The following UBQLN4 variants were observed in gnomAD, a reference collection of about 807,000 sequenced individuals.
UBQLN4 encodes ubiquilin-4.
In UBQLN4, 11 loss-of-function variants were observed where a neutral mutation model predicts 60.4. The ratio of observed to expected loss-of-function variants is 0.18; its 90% CI spans 0.11 to 0.30. The LOEUF (loss-of-function observed/expected upper bound fraction) is 0.30, where lower values mean the gene tolerates loss of function less well. UBQLN4 is among the 10% of genes least tolerant of loss of function. The pLI is 1.00. For synonymous variants in UBQLN4, 258 were observed against 313.1 expected (o/e 0.82, Z 1.86); for missense variants, 417 against 795.5 (o/e 0.52, Z 5.72).
rs1683406747 is a variant in UBQLN4, at chr1:156,036,423, C to T, written c.*555G>A. 1.0e-6 allele frequency: 1 copy of T among 985,768 alleles called. No homozygotes were observed. 61.1% of individuals were successfully genotyped at this position (985,768 alleles called of 1,614,324 possible). On this transcript the variant is annotated 3_prime_UTR_variant, in exon 11 of 11. Coordinates refer to ENST00000368309, the MANE Select transcript of UBQLN4 (RefSeq NM_020131.5). ...CCTTACCCTGGAATTTCCAACAGTT[C>T]CCACCAAAAAGTGCTGAATGAACCA...
chr1:156,052,784 T>C (rs548834823), intron 1 of UBQLN4, among the ~76,000 whole-genome samples: 1 of 152,324 alleles, frequency 6.6e-6, no homozygotes, highest in East Asian at 1.9e-4. Flanking sequence ...GTAGGGAACA[T>C]ACAGTATTTA....
Position 156,037,039 on chromosome 1 carries a change from A to G in UBQLN4, c.1745T>C (p.Ile582Thr). The change falls in exon 11 of 11, where the codon ATT (isoleucine) becomes ACT (threonine). Residue 582 changes from isoleucine to threonine, a missense_variant. Transcript: ENST00000368309. ...INREANLQALIATGGDINAAI... is the reference protein window; with the variant it reads ...INREANLQALTATGGDINAAI... ...TGCGTTGATGTCCCCTCCTGTGGCAATCAGGGCCTGCAGGTTAGCCTCACG... is the reference window on the plus strand; with the variant it reads ...TGCGTTGATGTCCCCTCCTGTGGCAGTCAGGGCCTGCAGGTTAGCCTCACG... 1 of 1,614,212 alleles carries G rather than the reference A, an allele frequency of 6.2e-7. No individual in the cohort carries two copies. The highest frequency in any genetic ancestry group is 8.5e-7 in the Non-Finnish European group (1 of 1,180,046).
intron 10 of UBQLN4, among the ~76,000 whole-genome samples, chr1:156,039,062 G>T (rs1019761220): frequency 6.6e-6 from 1 of 152,028 alleles, no homozygotes; most frequent in African/African-American, 2.4e-5. Flanking sequence ...AAAATGTTGG[G>T]ATTACAGGCA....
chr1:156,039,101 A>G (rs1683479393), intron 10 of UBQLN4, among the ~76,000 whole-genome samples: 1 of 150,890 alleles, frequency 6.6e-6, no homozygotes. Context: ...TTGCACTAAG[A>G]CTTTTTTTAA....
At position 156,036,252 on chromosome 1, in the gene UBQLN4, G is replaced by C. The variant is rs150903542; in HGVS notation, c.*726C>G. ...TCCAACTTCCAAGCCTTTTACTCAG[G>C]CTGTCTCCCCCATTCCCTTCCTCCG... On this transcript the variant is annotated 3_prime_UTR_variant, in exon 11 of 11. Transcript: ENST00000368309. 1.1e-5 allele frequency: 11 copies of C among 985,552 alleles called. No individual in the cohort carries two copies. The East Asian group carries it at 1.2e-3, about 110-fold the overall frequency. The allele number at this position is 985,552 out of a possible 1,614,324, so 61.1% of individuals were successfully genotyped here. A position where few individuals can be genotyped will look rare whatever the true frequency, so the allele number is the denominator to read the frequency against.
At chr1:156,038,115 C>A (rs1371349579) in intron 10 of UBQLN4, among the ~76,000 whole-genome samples, 2 of 152,160 alleles carry the variant, frequency 1.3e-5, no homozygotes, top group Admixed American at 1.3e-4. Flanking sequence ...GTGGCTCATG[C>A]CTATAATCCC....
downstream of UBQLN4, chr1:156,033,205 G>A: frequency 1.0e-6 from 1 of 985,444 alleles, no homozygotes; most frequent in Non-Finnish European, 1.2e-6. Flanking sequence ...AGGAGCCCGG[G>A]TGAGACTGAC....
downstream of UBQLN4, chr1:156,033,338 T>A (rs1683326631): frequency 6.2e-6 from 6 of 971,724 alleles, no homozygotes; most frequent in South Asian, 1.9e-4. Context: ...CACATTTTAT[T>A]TTTGTGAATG....
chr1:156,047,320 T>C (rs940348551), intron 5 of UBQLN4, among the ~76,000 whole-genome samples: 2 of 150,976 alleles, frequency 1.3e-5, no homozygotes, highest in Non-Finnish European at 2.9e-5. Flanking sequence ...CTTGGCTCAC[T>C]GCAACCTCTG....
chr1:156,051,061 C>T, intron 3 of UBQLN4, 49 bp downstream of exon 3: 1 of 1,577,854 alleles, frequency 6.3e-7, no homozygotes, highest in South Asian at 1.1e-5. Context: ...TGGCTTTCCC[C>T]AACTCCCCAA....
At chr1:156,042,056 T>A (rs1683582269) in intron 8 of UBQLN4, 69 bp from the exon 9 acceptor site, 3 of 1,611,192 alleles carry the variant, frequency 1.9e-6, no homozygotes. Flanking sequence ...CAACTAGGAG[T>A]CCAGAGTCAA....
Position 156,048,564 on chromosome 1 carries a change from A to G in UBQLN4, c.837T>C (p.Tyr279=), listed in dbSNP as rs774781380. Residue 279 remains tyrosine (Y), a synonymous_variant, in exon 5 of 11, where the codon TAT becomes TAC. Coordinates refer to ENST00000368309, the MANE Select transcript of UBQLN4 (RefSeq NM_020131.5). The surrounding 1 kb of genome is among the most constrained non-coding windows in gnomAD (Gnocchi z 4.9). ...CCGTGTACATGCGGCGGAGGGCATT[A>G]TACCCTCCAGGGATGCTCTCAAGGT... The part of the protein sequence containing the change: ...LSNLESIPGG[Y]NALRRMYTDI... 1.4e-5 allele frequency: 23 copies of G among 1,613,916 alleles called. No homozygotes were observed. The highest frequency in any genetic ancestry group is 1.9e-5 in the Non-Finnish European group (22 of 1,179,872).
intron 1 of UBQLN4, 103 bp from the exon 2 acceptor site, chr1:156,051,960 C>G (rs2102757847): frequency 6.9e-7 from 1 of 1,453,046 alleles, no homozygotes; most frequent in Non-Finnish European, 9.4e-7. Flanking sequence ...GCTCTCATCT[C>G]TAGTCATGGG....
At position 156,039,314 on chromosome 1, in the gene UBQLN4, G is replaced by C. The variant is rs544073118; in HGVS notation, c.1653+2171C>G. Among the ~76,000 whole-genome samples the C allele has an allele frequency of 1.8e-4, 26 of 141,202 alleles. No individual in the cohort carries two copies. In the Admixed American group the frequency reaches 1.9e-3, roughly 11 times the overall value. The allele number at this position is 141,202 out of a possible 152,430, so 92.6% of individuals were successfully genotyped here. ...TGCCCAGGCTGGAGTAAAATGGCACGATCTCAGCTCACTACAACCTCTGCC... is the reference window on the plus strand; with the variant it reads ...TGCCCAGGCTGGAGTAAAATGGCACCATCTCAGCTCACTACAACCTCTGCC... On this transcript the variant is annotated intron_variant, in intron 10 of 10. Transcript: ENST00000368309.
downstream of UBQLN4, chr1:156,033,133 G>T: frequency 1.2e-6 from 1 of 855,592 alleles, no homozygotes; most frequent in Non-Finnish European, 1.4e-6. Context: ...TACTTATGTA[G>T]CTGCTGCCAC....
chr1:156,034,296 C>CTTTTT (rs59303673), downstream of UBQLN4, among the ~76,000 whole-genome samples: 8 of 123,372 alleles, frequency 6.5e-5, no homozygotes, highest in Non-Finnish European at 9.6e-5. Context: ...TTTTGTTTTA[C>CTTTTT]TTTTTTTTTT....
At position 156,041,479 on chromosome 1, in the gene UBQLN4, A is replaced by G. The variant is rs775095748; in HGVS notation, c.1653+6T>C. On this transcript the variant is annotated splice_donor_region_variant and intron_variant, in intron 10 of 10. Coordinates refer to ENST00000368309, the MANE Select transcript of UBQLN4 (RefSeq NM_020131.5). ...TCCCAGCACCTGCCCCCACTGCCTCATGTACCTGTGAGTTTCCACTTCCAG... is the reference window on the plus strand; with the variant it reads ...TCCCAGCACCTGCCCCCACTGCCTCGTGTACCTGTGAGTTTCCACTTCCAG... The G allele has an allele frequency of 2.5e-6, 4 of 1,581,428 alleles. No individual in the cohort carries two copies. The South Asian group carries it at 3.5e-5, about 14-fold the overall frequency.
chr1:156,053,573 G>GC (rs763503710), intron 1 of UBQLN4, 21 bp downstream of exon 1: 6 of 645,392 alleles, frequency 9.3e-6, no homozygotes, highest in South Asian at 1.1e-4. Context: ...CGCTCCCCCC[G>GC]CCCCCCGCCT....
At chr1:156,047,891 CAAAAA>C (rs749746724) in intron 5 of UBQLN4, among the ~76,000 whole-genome samples, 1 of 40,086 alleles carries the variant, frequency 2.5e-5, no homozygotes, top group Non-Finnish European at 5.2e-5. Flanking sequence ...GACTCCATCT[CAAAAA>C]AAAAAAAAAA....
Sources: gnomAD v4.1 joint callset for allele counts (sites outside exome capture counted in the v4.1 genomes callset) on GRCh38, gnomAD v4.1.1 for gene constraint, Gnocchi (gnomAD v3.1) non-coding constraint, MANE v1.5 for transcripts, NCBI Gene and HGNC (gene_info 2026-07-23, HGNC 2026-07-21) for gene names.